Variants in PDZD2 observed in about 807,000 individuals in gnomAD.
PDZD2 encodes PDZ domain-containing protein 2.
A neutral mutation model predicts 220.7 loss-of-function variants in PDZD2; 90 were observed. That is an observed-to-expected ratio of 0.41 (90% CI 0.34 to 0.49). The LOEUF is 0.49. Ranked by LOEUF, PDZD2 falls within the 20% of genes least tolerant of loss-of-function variation. The pLI is 0.28. For synonymous variants in PDZD2, 1,375 were observed against 1,450.5 expected (o/e 0.95, Z 1.18); for missense variants, 3,174 against 3,608.5 (o/e 0.88, Z 3.08).
chr5:31,927,504 C>T (rs113831881), intron 2 of PDZD2, among the ~76,000 whole-genome samples: 93 of 152,292 alleles, frequency 6.1e-4, no homozygotes, highest in African/African-American at 2.2e-3. Context: ...CTGCTTCAGC[C>T]TCCCGAGTAG....
rs1205582836 is a variant in PDZD2 at position 31,849,871 on chromosome 5, C to CAT, written c.476+50163_476+50164dup. ...TCTCTCTCTCTCTCATATATATATA[C>CAT]ATATATATATATATATACACATATA... On this transcript the variant is annotated intron_variant, in intron 2 of 24. Transcript: ENST00000438447. Among the ~76,000 whole-genome samples the CAT allele has an allele frequency of 2.1e-3, 107 of 50,528 alleles. 14 individuals carry two copies. Among genetic ancestry groups the CAT allele is most frequent in the Middle Eastern group, 0.019 (2 of 108 alleles). 33.1% of individuals were successfully genotyped at this position (50,528 alleles called of 152,430 possible).
intron 6 of PDZD2, among the ~76,000 whole-genome samples, chr5:32,017,124 G>A (rs954054621): frequency 1.3e-5 from 2 of 152,140 alleles, no homozygotes; most frequent in Admixed American, 6.6e-5. Flanking sequence ...CCACTGTCTT[G>A]CCCAGCATAC....
intron 1 of PDZD2, among the ~76,000 whole-genome samples, chr5:31,710,149 A>G (rs1464056006): frequency 6.6e-6 from 1 of 152,148 alleles, no homozygotes; most frequent in Non-Finnish European, 1.5e-5. Context: ...GAATTCAAAG[A>G]AAAATAACTG....
At chr5:31,931,057 C>T (rs559033593) in intron 2 of PDZD2, among the ~76,000 whole-genome samples, 1 of 152,284 alleles carries the variant, frequency 6.6e-6, no homozygotes, top group South Asian at 2.1e-4. Flanking sequence ...GGGTCTCACT[C>T]TTTTGCCCAG....
chr5:31,908,815 C>T (rs1274603924), intron 2 of PDZD2: 8 of 622,302 alleles, frequency 1.3e-5, no homozygotes, highest in Admixed American at 8.3e-5. Flanking sequence ...GAGGCTGAGG[C>T]GGGAGGATCA....
intron 2 of PDZD2, among the ~76,000 whole-genome samples, chr5:31,979,947 A>G (rs1581205178): frequency 6.6e-6 from 1 of 152,214 alleles, no homozygotes; most frequent in African/African-American, 2.4e-5. Context: ...AATAGTGTCT[A>G]TGAGGCACCT....
At chr5:32,072,456 C>T in intron 17 of PDZD2, 139 bp downstream of exon 17, 3 of 691,808 alleles carry the variant, frequency 4.3e-6, no homozygotes, top group Non-Finnish European at 4.7e-6. Context: ...CCAGGCCGGG[C>T]GCGGTGGCTC....
Position 32,000,106 on chromosome 5 carries a change from C to CAAG in PDZD2, c.1122-32_1122-30dup. On this transcript the variant is annotated intron_variant, in intron 4 of 24. Transcript: ENST00000438447. This position sits in a 1 kb window ranked among gnomAD's most constrained non-coding sequence, Gnocchi z 4.5. ...CCTTCTCAGGCCCAGAATGTCTTGA[C>CAAG]AAGGGATCTTTTTCCCATCTCCCTT... 1 of 1,609,804 alleles carries CAAG rather than the reference C, an allele frequency of 6.2e-7. No individual in the cohort carries two copies. Among genetic ancestry groups the CAAG allele is most frequent in the South Asian group, 1.1e-5 (1 of 90,664 alleles).
intron 3 of PDZD2, among the ~76,000 whole-genome samples, chr5:31,986,759 A>C (rs1469508897): frequency 6.6e-6 from 1 of 152,192 alleles, no homozygotes; most frequent in Non-Finnish European, 1.5e-5. Flanking sequence ...CAAAAACTTA[A>C]TAAATGACAA....
intron 1 of PDZD2, among the ~76,000 whole-genome samples, chr5:31,764,101 C>T (rs1382675095): frequency 2.0e-5 from 3 of 152,084 alleles, no homozygotes; most frequent in Non-Finnish European, 4.4e-5. Flanking sequence ...AGGAGGAACT[C>T]GGGGACTCAG....
chr5:31,922,361 G>A (rs1464245032), intron 2 of PDZD2, among the ~76,000 whole-genome samples: 1 of 152,138 alleles, frequency 6.6e-6, no homozygotes, highest in Non-Finnish European at 1.5e-5. Context: ...CACAGGCTAC[G>A]CTCTTAATCT....
At chr5:31,781,785 G>A (rs543224983) in intron 1 of PDZD2, among the ~76,000 whole-genome samples, 12 of 152,276 alleles carry the variant, frequency 7.9e-5, no homozygotes, top group Non-Finnish European at 1.6e-4. Flanking sequence ...GTTGTATAAT[G>A]TGAGACAGAC....
At chr5:31,919,123 A>T (rs1015176417) in intron 2 of PDZD2, among the ~76,000 whole-genome samples, 5 of 152,240 alleles carry the variant, frequency 3.3e-5, no homozygotes, top group Non-Finnish European at 4.4e-5. Flanking sequence ...TGGAGGAGTG[A>T]GTAGGTTTTA....
At chr5:31,946,502 T>G (rs1199944038) in intron 2 of PDZD2, among the ~76,000 whole-genome samples, 1 of 152,184 alleles carries the variant, frequency 6.6e-6, no homozygotes, top group African/African-American at 2.4e-5. Context: ...GAGGAATTCC[T>G]TGGATTGTGC....
chr5:31,779,731 A>G (rs1271042961), intron 1 of PDZD2, among the ~76,000 whole-genome samples: 2 of 152,114 alleles, frequency 1.3e-5, no homozygotes, highest in South Asian at 2.1e-4. Context: ...ATTTTTAGCA[A>G]TTTGTGGTAA....
chr5:32,027,866 G>T (rs1389638480), intron 6 of PDZD2, among the ~76,000 whole-genome samples: 1 of 152,074 alleles, frequency 6.6e-6, no homozygotes, highest in African/African-American at 2.4e-5. Flanking sequence ...TCAAACATCT[G>T]CCCCAGAGAC....
rs534231243 is a variant in PDZD2, at chr5:32,108,347, C to G, written c.*212C>G. 1 of 382,130 alleles carries G rather than the reference C, an allele frequency of 2.6e-6. No individual in the cohort carries two copies. The highest frequency in any genetic ancestry group is 4.6e-6 in the Non-Finnish European group (1 of 215,288). The allele number at this position is 382,130 out of a possible 1,614,324, so 23.7% of individuals were successfully genotyped here. The stretch of plus-strand genomic sequence containing the variant: ...AGCCTTCCACCTGCGTCACCCAGGC[C>G]GGGAGGGTTCCTTCGTTCCAGTGCC... On this transcript the variant is annotated 3_prime_UTR_variant, in exon 25 of 25. Transcript: ENST00000438447.
intron 1 of PDZD2, among the ~76,000 whole-genome samples, chr5:31,719,719 T>C (rs1748672670): frequency 6.6e-6 from 1 of 152,210 alleles, no homozygotes; most frequent in Admixed American, 6.5e-5. Flanking sequence ...AAGCTAATCA[T>C]TTACAGTCTA....
chr5:31,690,886 C>CATG lies in PDZD2; in HGVS notation c.-361+51466_-361+51468dup, dbSNP rs532555549. 1.5e-3 allele frequency among the ~76,000 whole-genome samples: 234 copies of CATG among 152,130 alleles called. 2 individuals are homozygous for CATG. The highest frequency in any genetic ancestry group is 5.4e-3 in the African/African-American group (223 of 41,492). On this transcript the variant is annotated intron_variant, in intron 1 of 24. Transcript: ENST00000438447. ...CCCACTACACTCAGTGAATGCTACC[C>CATG]ATGATGATGATGATGATGACCATGA... is the stretch of plus-strand genomic sequence containing the variant.
Sources: gnomAD v4.1 joint callset for allele counts (sites outside exome capture counted in the v4.1 genomes callset) on GRCh38, gnomAD v4.1.1 for gene constraint, Gnocchi (gnomAD v3.1) non-coding constraint, MANE v1.5 for transcripts, NCBI Gene and HGNC (gene_info 2026-07-23, HGNC 2026-07-21) for gene names.